Variants in NT5DC3 observed in about 807,000 individuals in gnomAD.
The protein encoded by NT5DC3 is 5'-nucleotidase domain-containing protein 3.
In NT5DC3, 42 loss-of-function variants were observed where a neutral mutation model predicts 67.8. That is an observed-to-expected ratio of 0.62 (90% CI 0.48 to 0.80). NT5DC3 has a LOEUF of 0.80. Among genes scored for constraint, NT5DC3 ranks in the 30% least tolerant of loss-of-function variants. NT5DC3 has a pLI of 0.00. For missense variants in NT5DC3, 570 were observed against 696.4 expected, an observed-to-expected ratio of 0.82 and a Z score of 2.04; for synonymous variants, 237 against 255.6, an observed-to-expected ratio of 0.93 and a Z score of 0.69.
At chr12:103,808,935 C>T (rs1436301566) in intron 2 of NT5DC3, among the ~76,000 whole-genome samples, 1 of 152,174 alleles carries the variant, frequency 6.6e-6, no homozygotes, top group Non-Finnish European at 1.5e-5. Context: ...TATCTTTATC[C>T]CTCACTACAT....
chr12:103,753,068 A>G, the NT5DC3 span: 1 of 786,452 alleles, frequency 1.3e-6, no homozygotes, highest in African/African-American at 1.7e-5. Flanking sequence ...ATTTTAAATG[A>G]TGTACTTCAA....
chr12:103,763,561 G>A, the NT5DC3 span: 16 of 1,613,968 alleles, frequency 9.9e-6, no homozygotes, highest in Admixed American at 1.7e-5. Context: ...CCCCTTGTAT[G>A]AGAGCACAAC....
the NT5DC3 span, among the ~76,000 whole-genome samples, chr12:103,756,647 C>T: frequency 1.3e-5 from 2 of 152,144 alleles, no homozygotes; most frequent in Admixed American, 1.3e-4. Context: ...CTCATGCTTT[C>T]GAGTACGGAA....
At chr12:103,758,319 A>G in the NT5DC3 span, 1 of 1,609,904 alleles carries the variant, frequency 6.2e-7, no homozygotes, top group Non-Finnish European at 8.5e-7. Flanking sequence ...CCTTTGCTTT[A>G]GACTAGCATG....
intron 6 of NT5DC3, among the ~76,000 whole-genome samples, chr12:103,794,350 A>G (rs1367689922): frequency 1.4e-5 from 2 of 144,866 alleles, no homozygotes; most frequent in Non-Finnish European, 3.0e-5. Flanking sequence ...GGGTTTCACC[A>G]TGTTGGCCAG....
At chr12:103,831,770 C>T (rs200199658) in intron 1 of NT5DC3, among the ~76,000 whole-genome samples, 2 of 109,652 alleles carry the variant, frequency 1.8e-5, no homozygotes, top group African/African-American at 3.6e-5. Flanking sequence ...TCAGCATCCT[C>T]TTTTTTTTTT....
intron 1 of NT5DC3, among the ~76,000 whole-genome samples, chr12:103,830,153 G>C (rs912476753): frequency 1.3e-5 from 2 of 152,064 alleles, no homozygotes; most frequent in Admixed American, 6.5e-5. Flanking sequence ...ACCAATCCTC[G>C]GAGACAGGTA....
the NT5DC3 span, chr12:103,755,222 A>G: frequency 1.3e-6 from 2 of 1,555,806 alleles, no homozygotes; most frequent in Non-Finnish European, 1.7e-6. Context: ...ATGGCCTAAT[A>G]GGGGAATCAG....
chr12:103,808,143 T>C (rs527679200), intron 2 of NT5DC3, among the ~76,000 whole-genome samples: 65 of 152,296 alleles, frequency 4.3e-4, no homozygotes, highest in African/African-American at 1.4e-3. Context: ...CAAGCTACCC[T>C]GTGGATGGCA....
intron 6 of NT5DC3, among the ~76,000 whole-genome samples, chr12:103,794,595 A>C (rs186655684): frequency 6.6e-5 from 10 of 152,404 alleles, no homozygotes; most frequent in Non-Finnish European, 1.0e-4. Context: ...CATGATAGAC[A>C]GTAATTTATA....
chr12:103,827,080 C>G (rs550912141), intron 1 of NT5DC3, among the ~76,000 whole-genome samples: 2 of 152,082 alleles, frequency 1.3e-5, no homozygotes, highest in Non-Finnish European at 2.9e-5. Context: ...CCTGTCTCTA[C>G]TATAAATACA....
At chr12:103,805,557 C>T (rs1886761527) in intron 4 of NT5DC3, among the ~76,000 whole-genome samples, 1 of 152,094 alleles carries the variant, frequency 6.6e-6, no homozygotes, top group African/African-American at 2.4e-5. Context: ...TTAAAAGTTA[C>T]AAAGACGCCC....
chr12:103,805,845 C>CAAAAA (rs34163004), intron 4 of NT5DC3, among the ~76,000 whole-genome samples: 2 of 48,770 alleles, frequency 4.1e-5, no homozygotes, highest in Non-Finnish European at 3.5e-5. Flanking sequence ...GACTCCACCT[C>CAAAAA]AAAAAAAAAA....
chr12:103,811,999 G>T (rs138048194), intron 2 of NT5DC3, among the ~76,000 whole-genome samples: 1 of 152,060 alleles, frequency 6.6e-6, no homozygotes, highest in Non-Finnish European at 1.5e-5. Context: ...TGACTAAGGT[G>T]TGAAGCTGGG....
chr12:103,791,475 C>G (rs1284168412), intron 9 of NT5DC3, among the ~76,000 whole-genome samples: 1 of 152,154 alleles, frequency 6.6e-6, no homozygotes, highest in Admixed American at 6.5e-5. Context: ...CTCCCAGACA[C>G]CGATAAAGGT....
chr12:103,816,636 C>T (rs965953021), intron 1 of NT5DC3, among the ~76,000 whole-genome samples: 5 of 152,168 alleles, frequency 3.3e-5, no homozygotes, highest in Non-Finnish European at 7.4e-5. Context: ...ATTCATTCTA[C>T]TTTACAATTT....
intron 3 of NT5DC3, 150 bp from the exon 4 acceptor site, chr12:103,806,527 T>G: frequency 1.5e-6 from 1 of 659,078 alleles, no homozygotes; most frequent in South Asian, 1.8e-5. Flanking sequence ...TGCTTGTTAA[T>G]TAATGTGCTG....
downstream of NT5DC3, chr12:103,766,938 T>C (rs553010734): frequency 5.9e-5 from 9 of 153,126 alleles, no homozygotes; most frequent in African/African-American, 2.2e-4. Flanking sequence ...GTAACACGTA[T>C]TGGAAAGGAT....
downstream of NT5DC3, among the ~76,000 whole-genome samples, chr12:103,768,546 A>G (rs1056476622): frequency 3.9e-4 from 2 of 5,118 alleles, no homozygotes; most frequent in African/African-American, 9.0e-4. Flanking sequence ...AGAGGGGGAG[A>G]GGGAGGGAGG....
Sources: gnomAD v4.1 joint callset for allele counts (sites outside exome capture counted in the v4.1 genomes callset) on GRCh38, gnomAD v4.1.1 for gene constraint, MANE v1.5 for transcripts, NCBI Gene and HGNC (gene_info 2026-07-23, HGNC 2026-07-21) for gene names.